Variants in KLHL6 observed in about 807,000 individuals in gnomAD.
The protein encoded by KLHL6 is kelch-like protein 6.
Under a neutral mutation model 58.6 loss-of-function variants are expected in KLHL6, and 41 were observed. That is an observed-to-expected ratio of 0.70 (90% confidence interval 0.55 to 0.91). The LOEUF is 0.91. Among genes scored for constraint, KLHL6 ranks in the 40% least tolerant of loss-of-function variants. The pLI, the probability that KLHL6 is intolerant of heterozygous loss-of-function variation, is 0.00. For synonymous variants in KLHL6, 338 were observed against 322.7 expected, an observed-to-expected ratio of 1.05 and a Z score of -0.51; for missense variants, 714 against 805.6, an observed-to-expected ratio of 0.89 and a Z score of 1.38.
At chr3:183,527,772 C>T in intron 2 of KLHL6, 73 bp downstream of exon 2, 2 of 1,410,708 alleles carry the variant, frequency 1.4e-6, no homozygotes, top group Non-Finnish European at 9.9e-7. Flanking sequence ...GGAGCTAGAC[C>T]AGGTCTGGCC....
chr3:183,494,139 G>A lies in KLHL6; in HGVS notation c.1290C>T (p.Asp430=), dbSNP rs777713671. 55 of 1,614,034 alleles carry A rather than the reference G, an allele frequency of 3.4e-5. No homozygotes were observed. The highest frequency in any genetic ancestry group is 1.6e-4 in the Middle Eastern group (1 of 6,084). The part of the protein sequence containing the change: ...GGKVYVIGGF[D]GLQRINNVET... ...CCACATTGTTGATTCTCTGTAAGCC[G>A]TCAAAGCCTCCGATCACATAGACCT... The change falls in exon 5 of 7, where the codon GAC becomes GAT. Residue 430 remains aspartate (D), a synonymous_variant. Coordinates refer to ENST00000341319, the MANE Select transcript of KLHL6 (RefSeq NM_130446.4).
At chr3:183,497,375 G>T (rs1717743490) in intron 4 of KLHL6, among the ~76,000 whole-genome samples, 1 of 152,190 alleles carries the variant, frequency 6.6e-6, no homozygotes, top group African/African-American at 2.4e-5. Flanking sequence ...TCTCGCCATT[G>T]TACTCCAGCC....
intron 2 of KLHL6, among the ~76,000 whole-genome samples, chr3:183,514,102 A>T (rs1413133123): frequency 6.6e-6 from 1 of 152,226 alleles, no homozygotes; most frequent in Non-Finnish European, 1.5e-5. Context: ...GGAGGCTCCC[A>T]ACTAGTGCTG....
At chr3:183,517,486 G>T (rs1487164796) in intron 2 of KLHL6, among the ~76,000 whole-genome samples, 1 of 152,132 alleles carries the variant, frequency 6.6e-6, no homozygotes, top group Admixed American at 6.5e-5. Flanking sequence ...TCTAGACTTG[G>T]CTGAGAAACC....
intron 2 of KLHL6, among the ~76,000 whole-genome samples, chr3:183,523,820 C>T (rs183660297): frequency 1.4e-4 from 22 of 152,156 alleles, no homozygotes; most frequent in African/African-American, 4.3e-4. Context: ...AGCGCAGTGG[C>T]GCAATCTCAG....
At chr3:183,538,669 CAAAG>C (rs1712442958) in intron 1 of KLHL6, among the ~76,000 whole-genome samples, 1 of 152,122 alleles carries the variant, frequency 6.6e-6, no homozygotes. Flanking sequence ...GGTTCCATTG[CAAAG>C]AAAGCAGGGA....
At chr3:183,549,554 G>T (rs910214367) in intron 1 of KLHL6, among the ~76,000 whole-genome samples, 35 of 152,178 alleles carry the variant, frequency 2.3e-4, no homozygotes, top group African/African-American at 8.2e-4. Context: ...TGTTGCCCCG[G>T]CTGGAGTGCA....
At chr3:183,525,757 G>A (rs1474359512) in intron 2 of KLHL6, among the ~76,000 whole-genome samples, 2 of 152,206 alleles carry the variant, frequency 1.3e-5, no homozygotes, top group African/African-American at 4.8e-5. Context: ...GAAGAACAAG[G>A]TAGTTTCCAC....
chr3:183,501,541 T>C (rs890907572), intron 3 of KLHL6, among the ~76,000 whole-genome samples: 1 of 152,194 alleles, frequency 6.6e-6, no homozygotes, highest in East Asian at 1.9e-4. Flanking sequence ...ATGCTTGCTC[T>C]CCTGACCCAG....
At chr3:183,498,772 C>A (rs1269946281) in intron 4 of KLHL6, among the ~76,000 whole-genome samples, 2 of 152,148 alleles carry the variant, frequency 1.3e-5, no homozygotes, top group African/African-American at 4.8e-5. Context: ...TCATGGAACT[C>A]CAGGTCTAAT....
Position 183,503,296 on chromosome 3 carries a change from A to G in KLHL6, c.910-3469T>C, listed in dbSNP as rs567870307. Among the ~76,000 whole-genome samples the G allele has an allele frequency of 6.7e-4, 102 of 152,354 alleles. 1 individual carries two copies. The highest frequency in any genetic ancestry group is 2.4e-3 in the African/African-American group (100 of 41,596). ...CACACATGTCAGAGTAATGTTTGGT[A>G]TAGATCAGGTTCATGTCTGAAAACT... On this transcript the variant is annotated intron_variant, in intron 3 of 6. Coordinates refer to ENST00000341319, the MANE Select transcript of KLHL6 (RefSeq NM_130446.4).
Position 183,491,713 on chromosome 3 carries a change from C to T in KLHL6, c.*214G>A, listed in dbSNP as rs901528738. On this transcript the variant is annotated 3_prime_UTR_variant, in exon 7 of 7. Coordinates refer to ENST00000341319, the MANE Select transcript of KLHL6 (RefSeq NM_130446.4). ...GAATGCTAAATATTACTCTTCCTCG[C>T]CTCCCCTCCTGAGGTAGGTCATGCA... The T allele has an allele frequency of 1.1e-4, 45 of 420,116 alleles. No individual in the cohort carries two copies. The highest frequency in any genetic ancestry group is 8.3e-4 in the African/African-American group (41 of 49,384). The allele number at this position is 420,116 out of a possible 1,614,324, so 26.0% of individuals were successfully genotyped here.
At chr3:183,515,691 G>C (rs925677344) in intron 2 of KLHL6, among the ~76,000 whole-genome samples, 1 of 152,134 alleles carries the variant, frequency 6.6e-6, no homozygotes, top group Non-Finnish European at 1.5e-5. Context: ...GCTCCACTGG[G>C]CACCTTGCTT....
Position 183,492,455 on chromosome 3 carries a change from G to C in KLHL6, c.1564+39C>G, listed in dbSNP as rs1717589504. 1 of 1,604,940 alleles carries C rather than the reference G, an allele frequency of 6.2e-7. No homozygotes were observed. Among genetic ancestry groups the C allele is most frequent in the Admixed American group, 1.7e-5 (1 of 59,960 alleles). ...CGTGCTGCAGCCAGGCGCTCATCAG[G>C]TTCTAAGCCATTCAGACCAATAAGA... is the stretch of plus-strand genomic sequence containing the variant. On this transcript the variant is annotated intron_variant, in intron 6 of 6. Coordinates refer to ENST00000341319, the MANE Select transcript of KLHL6 (RefSeq NM_130446.4). This position sits in a 1 kb window ranked among gnomAD's most constrained non-coding sequence, Gnocchi z 5.9.
At chr3:183,530,309 T>C (rs560295406) in intron 1 of KLHL6, among the ~76,000 whole-genome samples, 25 of 152,318 alleles carry the variant, frequency 1.6e-4, no homozygotes, top group Admixed American at 5.9e-4. Context: ...ATATGGGCAT[T>C]AAAGATCATT....
intron 1 of KLHL6, among the ~76,000 whole-genome samples, chr3:183,546,040 T>C (rs1712706162): frequency 6.6e-6 from 1 of 152,166 alleles, no homozygotes; most frequent in South Asian, 2.1e-4. Flanking sequence ...AGGAGAAGAA[T>C]AAGGTGGTCA....
intron 1 of KLHL6, among the ~76,000 whole-genome samples, chr3:183,536,759 G>A (rs1712379326): frequency 6.6e-6 from 1 of 152,126 alleles, no homozygotes; most frequent in Admixed American, 6.5e-5. Context: ...GGGGTAAGTG[G>A]ACCAAGCACC....
chr3:183,492,582 G>A lies in KLHL6; in HGVS notation c.1476C>T (p.Ser492=), dbSNP rs1253390795. Residue 492 remains serine, a synonymous_variant, in exon 6 of 7, where the codon TCC becomes TCT. Coordinates refer to ENST00000341319, the MANE Select transcript of KLHL6 (RefSeq NM_130446.4). The surrounding 1 kb of genome is among the most constrained non-coding windows in gnomAD (Gnocchi z 5.9). ...ATDKTQCYDP[S]TNKWSLKAAM... The stretch of plus-strand genomic sequence containing the variant: ...CCGCCTTCAAACTCCACTTGTTGGT[G>A]GAAGGGTCATAACACTGAGTCTTGT... 35 of 1,614,230 alleles carry A rather than the reference G, an allele frequency of 2.2e-5. No individual in the cohort carries two copies. The highest frequency in any genetic ancestry group is 3.0e-5 in the Non-Finnish European group (35 of 1,180,042).
intron 2 of KLHL6, 57 bp from the exon 3 acceptor site, chr3:183,508,565 T>A (rs1718088851): frequency 6.6e-7 from 1 of 1,518,010 alleles, no homozygotes; most frequent in Non-Finnish European, 8.9e-7. Context: ...CACAAGGAGG[T>A]TTATCAGTGA....
Sources: allele counts gnomAD v4.1 joint callset (sites outside exome capture counted in the v4.1 genomes callset), GRCh38; gene constraint gnomAD v4.1.1; non-coding constraint Gnocchi (gnomAD v3.1); transcripts MANE v1.5; gene names NCBI Gene and HGNC (gene_info 2026-07-23, HGNC 2026-07-21).